The following TSTD2 variants were observed in gnomAD, a reference collection of about 807,000 sequenced individuals.
TSTD2 encodes the protein thiosulfate sulfurtransferase like domain containing 2.
A neutral mutation model predicts 47.9 loss-of-function variants in TSTD2; 37 were observed. The observed-to-expected ratio is 0.77, with a 90% CI of 0.59 to 1.02. The LOEUF is 1.02. Among genes scored for constraint, TSTD2 ranks in the 50% least tolerant of loss-of-function variants. The pLI is 0.00. For missense variants in TSTD2, 586 were observed against 616.0 expected, an observed-to-expected ratio of 0.95 and a Z score of 0.52; for synonymous variants, 201 against 215.9, an observed-to-expected ratio of 0.93 and a Z score of 0.61.
intron 4 of TSTD2, among the ~76,000 whole-genome samples, chr9:97,615,631 T>C (rs1367497836): frequency 6.6e-6 from 1 of 152,240 alleles, no homozygotes; most frequent in Non-Finnish European, 1.5e-5. Context: ...AAACTGGGCA[T>C]GTATCCTTGA....
chr9:97,613,910 G>A (rs1399890967), intron 4 of TSTD2, among the ~76,000 whole-genome samples: 2 of 149,106 alleles, frequency 1.3e-5, no homozygotes, highest in African/African-American at 5.0e-5. Context: ...CTCACTGCAA[G>A]CTCCGCCTCC....
intron 8 of TSTD2, among the ~76,000 whole-genome samples, chr9:97,605,273 A>C (rs183147020): frequency 3.3e-5 from 5 of 152,224 alleles, no homozygotes; most frequent in Admixed American, 3.3e-4. Context: ...ATGAGTCTCT[A>C]TGACTGTTAA....
At chr9:97,607,024 G>A (rs1008797887) in intron 6 of TSTD2, among the ~76,000 whole-genome samples, 1 of 152,076 alleles carries the variant, frequency 6.6e-6, no homozygotes, top group Non-Finnish European at 1.5e-5. Flanking sequence ...AAATTAGCTG[G>A]CCATGGTAGT....
At chr9:97,612,166 T>C (rs997750558) in intron 4 of TSTD2, among the ~76,000 whole-genome samples, 7 of 152,340 alleles carry the variant, frequency 4.6e-5, no homozygotes, top group Admixed American at 3.9e-4. Context: ...CCCAGCTCCA[T>C]CCATGTCCCT....
At chr9:97,604,643 T>C in intron 9 of TSTD2, 84 bp downstream of exon 9, 3 of 1,582,438 alleles carry the variant, frequency 1.9e-6, no homozygotes, top group Non-Finnish European at 2.6e-6. Context: ...AGCACTGGCC[T>C]GTCTTCCCTG....
At chr9:97,618,193 G>A (rs956805553) in intron 3 of TSTD2, among the ~76,000 whole-genome samples, 4 of 152,144 alleles carry the variant, frequency 2.6e-5, no homozygotes, top group African/African-American at 7.2e-5. Flanking sequence ...TTCCATTCTG[G>A]CCTATCCTCT....
chr9:97,615,739 T>C (rs1212125310), intron 4 of TSTD2, among the ~76,000 whole-genome samples: 1 of 152,110 alleles, frequency 6.6e-6, no homozygotes, highest in African/African-American at 2.4e-5. Flanking sequence ...CCAAGAAAAA[T>C]GATCTGCCTC....
chr9:97,613,837 T>TA (rs1010499848), intron 4 of TSTD2, among the ~76,000 whole-genome samples: 4 of 150,466 alleles, frequency 2.7e-5, no homozygotes, highest in Non-Finnish European at 5.9e-5. Flanking sequence ...CTTTTTTTTT[T>TA]TTTTTTTTTG....
rs570800414 is a variant in TSTD2 at position 97,629,978 on chromosome 9, G to A, written c.-50-2366C>T. Among the ~76,000 whole-genome samples, 8 of 152,182 alleles carry A rather than the reference G, an allele frequency of 5.3e-5. No homozygotes were observed. In the South Asian group the frequency reaches 8.3e-4, roughly 16 times the overall value. ...CAGCATTTATGCTTTCCACTGCTTT[G>A]TTTCCCTTACTTTTTCACTTCTTTC... is the stretch of plus-strand genomic sequence containing the variant. On this transcript the variant is annotated intron_variant, in intron 1 of 9. Transcript: ENST00000341170.
rs527669388 is a variant in TSTD2 at position 97,611,490 on chromosome 9, C to T, written c.729+84G>A. ...GGTATTTATTTGGCACTGCTTATTT[C>T]TCTACTTTGAACTCCTCTTCAATAA... On this transcript the variant is annotated intron_variant, in intron 5 of 9. Coordinates refer to ENST00000341170, the MANE Select transcript of TSTD2 (RefSeq NM_139246.5). 120 of 1,445,636 alleles carry T rather than the reference C, an allele frequency of 8.3e-5. 1 individual carries two copies. The South Asian group carries it at 1.7e-3, about 21-fold the overall frequency. 89.6% of individuals were successfully genotyped at this position (1,445,636 alleles called of 1,614,324 possible).
rs1826242135 is a variant in TSTD2 at position 97,600,888 on chromosome 9, C to T, written c.*1581G>A. On this transcript the variant is annotated 3_prime_UTR_variant, in exon 10 of 10. Coordinates refer to ENST00000341170, the MANE Select transcript of TSTD2 (RefSeq NM_139246.5). ...CAATGCCCTTGTGCCTTTTAATATA[C>T]CACAGTGCCAGTTAAACTAATATTT... 8.7e-7 allele frequency: 1 copy of T among 1,145,820 alleles called. No homozygotes were observed. The highest frequency in any genetic ancestry group is 1.1e-6 in the Non-Finnish European group (1 of 916,196). 71.0% of individuals were successfully genotyped at this position (1,145,820 alleles called of 1,614,324 possible).
rs753650367 is a variant in TSTD2, at chr9:97,602,585, A to G, written c.1435T>C (p.Cys479Arg). 6.2e-7 allele frequency: 1 copy of G among 1,614,196 alleles called. No homozygotes were observed. The highest frequency in any genetic ancestry group is 8.5e-7 in the Non-Finnish European group (1 of 1,180,034). The change falls in exon 10 of 10, where the codon TGC (cysteine) becomes CGC (arginine). Residue 479 changes from cysteine to arginine, a missense_variant. Physicochemically the swap from Cys to Arg is radical, Grantham distance 180. Transcript: ENST00000341170. ...CGTGGCCGTCGGGCTGTGCACTCGC[A>G]TTCCTCTTTAAAGCTGTCTTGCATA... ...GPMQDSFKEE[C>R]ECTARRPRIP... is the part of the protein sequence containing the mutation.
intron 7 of TSTD2, 98 bp from the exon 8 acceptor site, chr9:97,605,739 A>C (rs1305135763): frequency 6.8e-7 from 1 of 1,463,828 alleles, no homozygotes; most frequent in African/African-American, 1.4e-5. Context: ...TTAGCAAAGA[A>C]GCCCCTGCCA....
chr9:97,602,527 T>A lies in TSTD2; in HGVS notation c.1493A>T (p.Gln498Leu), dbSNP rs778942065. 1.2e-5 allele frequency: 19 copies of A among 1,614,132 alleles called. No individual in the cohort carries two copies. The highest frequency in any genetic ancestry group is 1.7e-5 in the Admixed American group (1 of 60,028). Residue 498 changes from glutamine (Q) to leucine (L), a missense_variant, in exon 10 of 10, where the codon CAG becomes CTG. Gln to Leu is a moderately radical substitution (Grantham distance 113, BLOSUM62 -2). Transcript: ENST00000341170. ...IPRELLQHVR[Q>L]PVSPEPGPDA... ...AGGCCCTGGCTCTGGGCTCACAGGC[T>A]GTCGCACATGCTGCAAGAGTTCCCT...
At chr9:97,616,113 G>A (rs1482360689) in intron 4 of TSTD2, among the ~76,000 whole-genome samples, 1 of 152,184 alleles carries the variant, frequency 6.6e-6, no homozygotes, top group Admixed American at 6.5e-5. Context: ...CTAAGCTTGA[G>A]TAAAAATCAG....
intron 6 of TSTD2, among the ~76,000 whole-genome samples, chr9:97,608,338 TTAAA>T (rs1826400903): frequency 6.6e-6 from 1 of 152,128 alleles, no homozygotes; most frequent in African/African-American, 2.4e-5. Context: ...ATGGATGTGT[TTAAA>T]AGACATCTCT....
Position 97,605,632 on chromosome 9 carries a change from G to C in TSTD2, c.964C>G (p.Gln322Glu). The C allele has an allele frequency of 6.2e-7, 1 of 1,614,218 alleles. No individual in the cohort carries two copies. Among genetic ancestry groups the C allele is most frequent in the Non-Finnish European group, 8.5e-7 (1 of 1,180,042 alleles). ...CTGATGTCTGGGGCTAAGCAGCCTT[G>C]GAATCGTCCCTGTAACATAGGAGCA... is the stretch of plus-strand genomic sequence containing the variant. Reference protein sequence around the residue: ...NFYESKIGRFQGCLAPDIRKF... With the variant: ...NFYESKIGRFEGCLAPDIRKF... The change falls in exon 8 of 10, where the codon CAA becomes GAA. Residue 322 changes from glutamine to glutamate, a missense_variant. Physicochemically the swap from Gln to Glu is conservative, Grantham distance 29. Coordinates refer to ENST00000341170, the MANE Select transcript of TSTD2 (RefSeq NM_139246.5).
At position 97,600,586 on chromosome 9, in the gene TSTD2, G is replaced by C. The variant is rs752370017; in HGVS notation, c.*1883C>G. 2.0e-6 allele frequency: 2 copies of C among 986,118 alleles called. No homozygotes were observed. The highest frequency in any genetic ancestry group is 3.5e-5 in the African/African-American group (2 of 57,238). 61.1% of individuals were successfully genotyped at this position (986,118 alleles called of 1,614,324 possible). On this transcript the variant is annotated 3_prime_UTR_variant, in exon 10 of 10. Coordinates refer to ENST00000341170, the MANE Select transcript of TSTD2 (RefSeq NM_139246.5). ...AAGACACTAGAGGGATAAATTTCCA[G>C]ATCAACATGGCTATGGTATTTAGTA...
intron 5 of TSTD2, among the ~76,000 whole-genome samples, chr9:97,611,285 C>G (rs1028899074): frequency 1.3e-5 from 2 of 152,012 alleles, no homozygotes; most frequent in African/African-American, 2.4e-5. Context: ...AAAAATTAGC[C>G]AGACATGGTG....
Sources: allele counts gnomAD v4.1 joint callset (sites outside exome capture counted in the v4.1 genomes callset), GRCh38; gene constraint gnomAD v4.1.1; transcripts MANE v1.5; gene names NCBI Gene and HGNC (gene_info 2026-07-23, HGNC 2026-07-21).